WDR17: variants seen among roughly 807,000 people sequenced by gnomAD.
WDR17 encodes WD repeat-containing protein 17.
A neutral mutation model predicts 161.7 loss-of-function variants in WDR17; 143 were observed. That is an observed-to-expected ratio of 0.88 (90% CI 0.77 to 1.02). The LOEUF (loss-of-function observed/expected upper bound fraction) is 1.02. WDR17 is among the 50% of genes least tolerant of loss of function. The pLI, the probability that WDR17 is intolerant of heterozygous loss-of-function variation, is 0.00. For missense variants in WDR17, 1,469 were observed against 1,520.9 expected, an observed-to-expected ratio of 0.97 and a Z score of 0.57; for synonymous variants, 517 against 515.6, an observed-to-expected ratio of 1.00 and a Z score of -0.04.
At position 176,141,963 on chromosome 4, in the gene WDR17, C is replaced by A; in HGVS notation, c.1443-20C>A. 2 of 1,516,452 alleles carry A rather than the reference C, an allele frequency of 1.3e-6. No individual in the cohort carries two copies. Among genetic ancestry groups the A allele is most frequent in the Non-Finnish European group, 1.8e-6 (2 of 1,108,130 alleles). 93.9% of individuals were successfully genotyped at this position (1,516,452 alleles called of 1,614,324 possible). The stretch of plus-strand genomic sequence containing the variant: ...ATTTAGAGTATTGTTTTTCTATTAA[C>A]ATATTATAATTAATTCTAGTATTAT... On this transcript the variant is annotated intron_variant, in intron 10 of 28. Coordinates refer to ENST00000508596, the MANE Select transcript of WDR17 (RefSeq NM_181265.4).
At chr4:176,177,178 A>G in intron 27 of WDR17, 22 bp downstream of exon 27, 1 of 1,593,266 alleles carries the variant, frequency 6.3e-7, no homozygotes, top group Non-Finnish European at 8.6e-7. Context: ...TGATATAAAA[A>G]TTGGAATGCA....
chr4:176,160,038 C>T lies in WDR17; in HGVS notation c.2570C>T (p.Pro857Leu), dbSNP rs1401320981. The change falls in exon 19 of 29, where the codon CCA becomes CTA. Residue 857 changes from proline to leucine, a missense_variant. Pro to Leu is a moderately conservative substitution (Grantham distance 98, BLOSUM62 -3). Coordinates refer to ENST00000508596, the MANE Select transcript of WDR17 (RefSeq NM_181265.4). Reference sequence around the variant, plus strand: ...CAGGAAGATAAGGATGATGTCATTCCATACTGCATAGCCATTGGTGATGTG... The same window carrying T: ...CAGGAAGATAAGGATGATGTCATTCTATACTGCATAGCCATTGGTGATGTG... ...LIQEDKDDVI[P>L]YCIAIGDVKK... 6.2e-7 allele frequency: 1 copy of T among 1,612,596 alleles called. No homozygotes were observed. The highest frequency in any genetic ancestry group is 8.5e-7 in the Non-Finnish European group (1 of 1,179,080).
At chr4:176,077,620 T>C (rs1294810096) in intron 1 of WDR17, among the ~76,000 whole-genome samples, 2 of 152,076 alleles carry the variant, frequency 1.3e-5, no homozygotes, top group Admixed American at 1.3e-4. Context: ...CAATTAGGGT[T>C]CTTTCAGTTG....
chr4:176,069,011 C>T (rs1732878277), intron 1 of WDR17, among the ~76,000 whole-genome samples: 1 of 152,016 alleles, frequency 6.6e-6, no homozygotes, highest in African/African-American at 2.4e-5. Flanking sequence ...GAAAAATTCC[C>T]ATCACGATTA....
chr4:176,172,685 C>G (rs4444774), intron 24 of WDR17, among the ~76,000 whole-genome samples, 169 bp downstream of exon 24: 1 of 152,070 alleles, frequency 6.6e-6, no homozygotes, highest in African/African-American at 2.4e-5. Context: ...CAGGCTGTAC[C>G]GGAAGCATGG....
At chr4:176,168,940 C>T (rs1490795179) in intron 23 of WDR17, among the ~76,000 whole-genome samples, 157 bp downstream of exon 23, 1 of 152,322 alleles carries the variant, frequency 6.6e-6, no homozygotes, top group East Asian at 1.9e-4. Flanking sequence ...TAGGAAGTAA[C>T]ATTTACTGAA....
chr4:176,087,051 T>A (rs56287513), intron 1 of WDR17, among the ~76,000 whole-genome samples: 4,513 of 151,978 alleles, frequency 0.03, 213 homozygotes, highest in African/African-American at 0.1. Context: ...TATAATTTAG[T>A]GCTACAAATA....
intron 10 of WDR17, among the ~76,000 whole-genome samples, chr4:176,141,715 G>A (rs1320388137): frequency 6.6e-6 from 1 of 152,208 alleles, no homozygotes; most frequent in Non-Finnish European, 1.5e-5. Flanking sequence ...TTATAGGCAT[G>A]AGCCACCGTG....
At chr4:176,091,728 C>G (rs1000369545) in intron 1 of WDR17, among the ~76,000 whole-genome samples, 2 of 151,856 alleles carry the variant, frequency 1.3e-5, no homozygotes, top group African/African-American at 4.8e-5. Flanking sequence ...AATCAACAAA[C>G]TGTAAGCCAG....
chr4:176,151,139 T>A (rs1747041686), intron 16 of WDR17, among the ~76,000 whole-genome samples: 1 of 152,210 alleles, frequency 6.6e-6, no homozygotes, highest in Admixed American at 6.5e-5. Context: ...CTAATGCTCA[T>A]AAAGAGCAGT....
intron 11 of WDR17, among the ~76,000 whole-genome samples, chr4:176,144,370 C>T (rs896116736): frequency 2.0e-5 from 3 of 152,154 alleles, no homozygotes; most frequent in Non-Finnish European, 4.4e-5. Flanking sequence ...ACTACGTTAT[C>T]TGTGTTAAAC....
At chr4:176,136,089 C>T (rs1012074392) in intron 8 of WDR17, among the ~76,000 whole-genome samples, 5 of 151,628 alleles carry the variant, frequency 3.3e-5, no homozygotes, top group Admixed American at 1.3e-4. Flanking sequence ...TGTGTATATA[C>T]GCCTATATCT....
At chr4:176,174,826 C>G (rs1751221656) in intron 26 of WDR17, 108 bp downstream of exon 26, 1 of 605,326 alleles carries the variant, frequency 1.7e-6, no homozygotes, top group Non-Finnish European at 2.8e-6. Flanking sequence ...TTACAAGTAT[C>G]CATCTATTTA....
At position 176,131,677 on chromosome 4, in the gene WDR17, T is replaced by C. The variant is rs1743476908; in HGVS notation, c.1037T>C (p.Leu346Ser). ...LPPGHAVCCF[L>S]DGGVGLYDMG... is the part of the protein sequence containing the mutation. ...CCTGGTCATGCAGTGTGTTGTTTCTTGGATGGTGGAGTTGGACTTTATGAT... is the reference window on the plus strand; with the variant it reads ...CCTGGTCATGCAGTGTGTTGTTTCTCGGATGGTGGAGTTGGACTTTATGAT... Residue 346 changes from leucine (L) to serine (S), a missense_variant, in exon 7 of 29, where the codon TTG (leucine) becomes TCG (serine). Transcript: ENST00000508596. 6.2e-7 allele frequency: 1 copy of C among 1,613,708 alleles called. No homozygotes were observed. The highest frequency in any genetic ancestry group is 8.5e-7 in the Non-Finnish European group (1 of 1,179,782).
chr4:176,070,989 T>C (rs1315483006), intron 1 of WDR17, among the ~76,000 whole-genome samples: 1 of 152,156 alleles, frequency 6.6e-6, no homozygotes, highest in Admixed American at 6.5e-5. Flanking sequence ...CTAAGTTTGA[T>C]AGACAGATAA....
At position 176,131,736 on chromosome 4, in the gene WDR17, T is replaced by C. The variant is rs375973862; in HGVS notation, c.1096T>C (p.Leu366=). The part of the protein sequence containing the change: ...GAKKWDFLRD[L]GHVETIFDCK... ...TAAGAAGTGGGATTTTCTTAGAGACTTGGTATGTATGTAGTCATTCCTTTA... is the reference window on the plus strand; with the variant it reads ...TAAGAAGTGGGATTTTCTTAGAGACCTGGTATGTATGTAGTCATTCCTTTA... Residue 366 remains leucine (L), a splice_region_variant and synonymous_variant, in exon 7 of 29, where the codon TTG becomes CTG. Coordinates refer to ENST00000508596, the MANE Select transcript of WDR17 (RefSeq NM_181265.4). 8 of 1,609,460 alleles carry C rather than the reference T, an allele frequency of 5.0e-6. No individual in the cohort carries two copies. In the African/African-American group the frequency reaches 1.1e-4, roughly 22 times the overall value.
intron 1 of WDR17, among the ~76,000 whole-genome samples, chr4:176,076,335 C>A (rs1459918989): frequency 7.2e-6 from 1 of 139,090 alleles, no homozygotes; most frequent in African/African-American, 2.7e-5. Context: ...ATGTATATTG[C>A]TTAAAACAAA....
chr4:176,121,327 G>A (rs1741547310), intron 4 of WDR17, among the ~76,000 whole-genome samples: 1 of 152,166 alleles, frequency 6.6e-6, no homozygotes, highest in East Asian at 1.9e-4. Context: ...TTTTGATCTG[G>A]TGAATACAAC....
chr4:176,078,687 A>G lies in WDR17; in HGVS notation c.-7+12608A>G, dbSNP rs148342346. Reference sequence around the variant, plus strand: ...CAATTAAAATTATATTTTGCTGCTTATCTCTCCAATTCTACTCATATTTTG... The same window carrying G: ...CAATTAAAATTATATTTTGCTGCTTGTCTCTCCAATTCTACTCATATTTTG... On this transcript the variant is annotated intron_variant, in intron 1 of 28. Transcript: ENST00000508596. Among the ~76,000 whole-genome samples, 18 of 152,236 alleles carry G rather than the reference A, an allele frequency of 1.2e-4. No individual in the cohort carries two copies. The East Asian group carries it at 3.5e-3, about 29-fold the overall frequency.
Sources: allele counts gnomAD v4.1 joint callset (sites outside exome capture counted in the v4.1 genomes callset), GRCh38; gene constraint gnomAD v4.1.1; transcripts MANE v1.5; gene names NCBI Gene and HGNC (gene_info 2026-07-23, HGNC 2026-07-21).